Variants in ARPP21 observed in about 807,000 individuals in gnomAD.
ARPP21 encodes the protein cAMP regulated phosphoprotein 21, also known as cAMP-regulated phosphoprotein 21.
ARPP21 carries 69 observed loss-of-function variants against 113.2 expected under a neutral mutation model. The ratio of observed to expected loss-of-function variants is 0.61; its 90% CI spans 0.50 to 0.74. The LOEUF is 0.74. ARPP21 is among the 30% of genes least tolerant of loss of function. The pLI is 0.00. For missense variants in ARPP21, 1,070 were observed against 1,037.4 expected, an observed-to-expected ratio of 1.03 and a Z score of -0.43; for synonymous variants, 368 against 375.5, an observed-to-expected ratio of 0.98 and a Z score of 0.23.
In ARPP21 at chr3:35,687,793, T is replaced by C; in HGVS notation, c.316T>C (p.Ser106Pro). The change falls in exon 6 of 21, where the codon TCT becomes CCT. Residue 106 changes from serine (S) to proline (P), a missense_variant. By Grantham distance (74) the Ser-to-Pro change is moderately conservative. Transcript: ENST00000684406. Reference protein sequence around the residue: ...SFSSLQEEDKSRKDDSEREKE... With the variant: ...SFSSLQEEDKPRKDDSEREKE... ...TTCCAGCCTGCAAGAGGAGGATAAA[T>C]CTAGGAAAGATGACTCTGAAAGAGA... 1 of 1,606,748 alleles carries C rather than the reference T, an allele frequency of 6.2e-7. No homozygotes were observed. The highest frequency in any genetic ancestry group is 8.5e-7 in the Non-Finnish European group (1 of 1,176,466).
At chr3:35,721,884 C>A in intron 14 of ARPP21, 50 bp downstream of exon 14, 1 of 1,265,294 alleles carries the variant, frequency 7.9e-7, no homozygotes, top group Non-Finnish European at 1.1e-6. Flanking sequence ...TTGGATTCTA[C>A]CCAAGCCATA....
At chr3:35,695,753 T>C (rs1280683581) in intron 9 of ARPP21, among the ~76,000 whole-genome samples, 1 of 151,524 alleles carries the variant, frequency 6.6e-6, no homozygotes, top group Non-Finnish European at 1.5e-5. Context: ...TAAACGAACA[T>C]AAGATAAAAA....
At chr3:35,746,794 C>T (rs1004424878) in intron 19 of ARPP21, among the ~76,000 whole-genome samples, 1 of 152,198 alleles carries the variant, frequency 6.6e-6, no homozygotes, top group African/African-American at 2.4e-5. Context: ...TCTTCCTTCT[C>T]CTACATTCTT....
intron 15 of ARPP21, among the ~76,000 whole-genome samples, chr3:35,731,334 C>A (rs994475241): frequency 1.3e-5 from 2 of 152,038 alleles, no homozygotes; most frequent in African/African-American, 4.8e-5. Context: ...TTTCATTGGA[C>A]CGAGTCATTT....
chr3:35,764,669 G>A (rs530958131), intron 19 of ARPP21, among the ~76,000 whole-genome samples: 1 of 152,242 alleles, frequency 6.6e-6, no homozygotes, highest in African/African-American at 2.4e-5. Context: ...GATTACTAAG[G>A]ACTCAGAATA....
intron 1 of ARPP21, among the ~76,000 whole-genome samples, chr3:35,659,680 T>C (rs1706766139): frequency 6.6e-6 from 1 of 152,140 alleles, no homozygotes; most frequent in South Asian, 2.1e-4. Context: ...GGTAGAGAGC[T>C]AGGAGATTTG....
chr3:35,715,311 C>A, intron 11 of ARPP21, 128 bp from the exon 12 acceptor site: 1 of 730,556 alleles, frequency 1.4e-6, no homozygotes, highest in Non-Finnish European at 2.4e-6. Context: ...TTATTTCTAT[C>A]TTTTGTACCT....
At chr3:35,731,862 AC>A (rs1246169130) in intron 15 of ARPP21, among the ~76,000 whole-genome samples, 1 of 152,136 alleles carries the variant, frequency 6.6e-6, no homozygotes, top group Non-Finnish European at 1.5e-5. Flanking sequence ...AGATTGTATG[AC>A]TATTTTGCTT....
intron 19 of ARPP21, among the ~76,000 whole-genome samples, chr3:35,777,431 A>C (rs543539686): frequency 6.6e-6 from 1 of 152,324 alleles, no homozygotes; most frequent in South Asian, 2.1e-4. Flanking sequence ...GGTTGGAAGA[A>C]CTAGCATGGA....
rs749482992 is a variant in ARPP21 at position 35,679,957 on chromosome 3, A to G, written c.-42A>G. The G allele has an allele frequency of 1.2e-4, 18 of 152,210 alleles. No homozygotes were observed. Among genetic ancestry groups the G allele is most frequent in the Non-Finnish European group, 2.1e-4 (14 of 67,848 alleles). 9.4% of individuals were successfully genotyped at this position (152,210 alleles called of 1,614,324 possible). On this transcript the variant is annotated 5_prime_UTR_variant, in exon 2 of 21. Transcript: ENST00000684406. The stretch of plus-strand genomic sequence containing the variant: ...AGACCTACAGCAGGAATTCTGCACC[A>G]AAGGTAAAGGTCTTGTTGTCTGGCT...
At chr3:35,651,481 T>G (rs1277157177) in intron 1 of ARPP21, among the ~76,000 whole-genome samples, 1 of 152,094 alleles carries the variant, frequency 6.6e-6, no homozygotes, top group Non-Finnish European at 1.5e-5. Context: ...TTAACTATGC[T>G]TTGTTCTTTA....
chr3:35,694,463 A>C, intron 9 of ARPP21, among the ~76,000 whole-genome samples: 1 of 149,242 alleles, frequency 6.7e-6, no homozygotes, highest in Admixed American at 6.7e-5. Flanking sequence ...AATGTATATT[A>C]TTACATTTAA....
chr3:35,690,111 G>C lies in ARPP21; in HGVS notation c.516G>C (p.Gln172His). 1 of 1,496,640 alleles carries C rather than the reference G, an allele frequency of 6.7e-7. No homozygotes were observed. The highest frequency in any genetic ancestry group is 9.3e-7 in the Non-Finnish European group (1 of 1,074,678). The allele number at this position is 1,496,640 out of a possible 1,614,324, so 92.7% of individuals were successfully genotyped here. The change falls in exon 8 of 21, where the codon CAG becomes CAC. Residue 172 changes from glutamine to histidine, a missense_variant. Coordinates refer to ENST00000684406, the MANE Select transcript of ARPP21 (RefSeq NM_001385562.1). The part of the protein sequence containing the change: ...RDRMILLKME[Q>H]EIIDFIADNN... ...GGATGATACTTTTGAAAATGGAGCA[G>C]GAAATTATTGATTTCATTGCTGACA... is the stretch of plus-strand genomic sequence containing the variant.
At chr3:35,779,763 A>G (rs903803644) in intron 19 of ARPP21, among the ~76,000 whole-genome samples, 1 of 152,180 alleles carries the variant, frequency 6.6e-6, no homozygotes, top group Non-Finnish European at 1.5e-5. Flanking sequence ...TAAGAATCTC[A>G]TCTTGTTTTC....
intron 1 of ARPP21, among the ~76,000 whole-genome samples, chr3:35,671,033 T>G (rs1271272821): frequency 1.3e-5 from 2 of 152,178 alleles, no homozygotes; most frequent in Admixed American, 6.5e-5. Context: ...GACACTCTTT[T>G]GCATATTTAT....
intron 14 of ARPP21, among the ~76,000 whole-genome samples, chr3:35,727,908 T>A (rs1444811227): frequency 6.6e-6 from 1 of 152,110 alleles, no homozygotes; most frequent in African/African-American, 2.4e-5. Context: ...TATCCATAAA[T>A]GGTGGGACAG....
intron 19 of ARPP21, chr3:35,744,494 G>A (rs748691104): frequency 4.5e-5 from 24 of 531,218 alleles, no homozygotes; most frequent in Non-Finnish European, 6.6e-5. Context: ...GGGAAGGGGG[G>A]CCGATACACT....
intron 9 of ARPP21, among the ~76,000 whole-genome samples, chr3:35,703,479 GT>G (rs1208758583): frequency 9.2e-5 from 14 of 151,892 alleles, no homozygotes; most frequent in Admixed American, 8.5e-4. Context: ...TGAACAATGA[GT>G]TTCACAGTAG....
At chr3:35,788,625 G>A (rs2096680459) in intron 19 of ARPP21, among the ~76,000 whole-genome samples, 1 of 152,094 alleles carries the variant, frequency 6.6e-6, no homozygotes, top group African/African-American at 2.4e-5. Flanking sequence ...TATTTTGTCT[G>A]TCATTTCATT....
Sources: allele counts gnomAD v4.1 joint callset (sites outside exome capture counted in the v4.1 genomes callset), GRCh38; gene constraint gnomAD v4.1.1; transcripts MANE v1.5; gene names NCBI Gene and HGNC (gene_info 2026-07-23, HGNC 2026-07-21).